Variants in NLGN4X observed in about 807,000 individuals in gnomAD.
NLGN4X encodes neuroligin 4 X-linked, also known as neuroligin-4, X-linked.
NLGN4X carries 3 observed loss-of-function variants against 40.3 expected under a neutral mutation model. The observed-to-expected ratio is 0.07, with a 90% CI of 0.03 to 0.19. NLGN4X has a LOEUF of 0.19. NLGN4X is among the 10% of genes least tolerant of loss of function. The probability of loss-of-function intolerance (pLI) is 1.00; values close to 1 mark genes in which losing one functional copy is unlikely to be tolerated. For synonymous variants in NLGN4X, 270 were observed against 306.8 expected (o/e 0.88, Z 1.25); for missense variants, 382 against 708.3 (o/e 0.54, Z 5.23).
At chrX:6,221,404 T>TAC (rs1258149793) in intron 1 of NLGN4X, among the ~76,000 whole-genome samples, 1 of 89,415 alleles carries the variant, frequency 1.1e-5, no homozygotes, top group Admixed American at 1.2e-4. Context: ...TATATATATA[T>TAC]ATATATATAT....
intron 2 of NLGN4X, among the ~76,000 whole-genome samples, chrX:6,057,880 T>G (rs922764759): frequency 9.0e-6 from 1 of 111,503 alleles, no homozygotes; most frequent in East Asian, 2.8e-4. Flanking sequence ...CCAAAGCAAT[T>G]TACCTACACA....
chrX:6,088,216 G>A (rs1160270272), intron 2 of NLGN4X, among the ~76,000 whole-genome samples: 1 of 112,519 alleles, frequency 8.9e-6, no homozygotes, highest in Non-Finnish European at 1.9e-5. Context: ...ATTTTAAATT[G>A]CATATGTGAC....
chrX:6,091,667 A>G (rs2038643451), intron 2 of NLGN4X, among the ~76,000 whole-genome samples: 1 of 112,164 alleles, frequency 8.9e-6, no homozygotes, highest in Non-Finnish European at 1.9e-5. Context: ...TCATTATTAC[A>G]ACAGACAACT....
intron 3 of NLGN4X, among the ~76,000 whole-genome samples, chrX:5,928,042 T>C (rs1402604386): frequency 8.9e-6 from 1 of 112,075 alleles, no homozygotes; most frequent in Non-Finnish European, 1.9e-5. Flanking sequence ...TACACGCATC[T>C]GCAACTCCAG....
At chrX:6,047,041 A>G (rs1163053173) in intron 2 of NLGN4X, among the ~76,000 whole-genome samples, 2 of 109,698 alleles carry the variant, frequency 1.8e-5, no homozygotes, top group Non-Finnish European at 3.8e-5. Flanking sequence ...ATATACACAT[A>G]TATGTATACT....
chrX:6,151,789 C>T lies in NLGN4X; in HGVS notation c.-305-18G>A. On this transcript the variant is annotated intron_variant, in intron 1 of 5. Transcript: ENST00000381095. ...AAGGCAGCCTAAAAGAGGAAGAAAG[C>T]AGACAAGAATAATGAAGCCACACAA... 3.0e-6 allele frequency: 1 copy of T among 328,136 alleles called. No homozygotes were observed. Among genetic ancestry groups the T allele is most frequent in the Admixed American group, 4.7e-5 (1 of 21,137 alleles). The allele number at this position is 328,136 out of a possible 1,213,427, so 27.0% of individuals were successfully genotyped here. A position where few individuals can be genotyped will look rare whatever the true frequency, so the allele number is the denominator to read the frequency against.
intron 3 of NLGN4X, among the ~76,000 whole-genome samples, chrX:5,921,370 T>A (rs1411993518): frequency 1.1e-5 from 1 of 87,879 alleles, no homozygotes; most frequent in East Asian, 3.5e-4. Context: ...ACTGTATGAC[T>A]CAGCGGCATT....
chrX:6,148,893 C>T (rs1191415595), intron 2 of NLGN4X, among the ~76,000 whole-genome samples: 2 of 112,038 alleles, frequency 1.8e-5, no homozygotes, highest in Non-Finnish European at 3.8e-5. Context: ...TAGGCTGTGA[C>T]TTGTGGATGG....
At chrX:5,916,933 G>C (rs933586759) in intron 3 of NLGN4X, among the ~76,000 whole-genome samples, 1 of 112,011 alleles carries the variant, frequency 8.9e-6, no homozygotes, top group Non-Finnish European at 1.9e-5. Context: ...GAATGTGTTG[G>C]AGAAACAAAT....
intron 1 of NLGN4X, among the ~76,000 whole-genome samples, chrX:6,209,078 A>G (rs928921780): frequency 2.7e-5 from 3 of 112,199 alleles, no homozygotes; most frequent in Non-Finnish European, 5.6e-5. Context: ...TCTCTTTTGC[A>G]GGAGCATGGA....
intron 3 of NLGN4X, among the ~76,000 whole-genome samples, chrX:5,994,421 T>C (rs916126996): frequency 8.9e-6 from 1 of 111,785 alleles, no homozygotes; most frequent in African/African-American, 3.3e-5. Context: ...AGGGCTTGGA[T>C]TAAACAACTT....
chrX:6,029,259 T>C, intron 3 of NLGN4X, 21 bp downstream of exon 3: 1 of 1,208,395 alleles, frequency 8.3e-7, no homozygotes, highest in East Asian at 3.0e-5. Flanking sequence ...GCTCAGTCAT[T>C]CACATGATGA....
chrX:6,008,749 A>T (rs1479213430), intron 3 of NLGN4X, among the ~76,000 whole-genome samples: 2 of 111,917 alleles, frequency 1.8e-5, no homozygotes, highest in Non-Finnish European at 3.8e-5. Context: ...CCTTAAGAAC[A>T]GTCACATTAT....
chrX:6,062,632 C>T (rs2037799529), intron 2 of NLGN4X, among the ~76,000 whole-genome samples: 1 of 110,741 alleles, frequency 9.0e-6, no homozygotes, highest in Non-Finnish European at 1.9e-5. Context: ...CTCTCATAAT[C>T]GTGGGAGGGA....
In NLGN4X at chrX:6,091,633, C is replaced by T. The variant is rs116372592; in HGVS notation, c.472+59362G>A. On this transcript the variant is annotated intron_variant, in intron 2 of 5. Coordinates refer to ENST00000381095, the MANE Select transcript of NLGN4X (RefSeq NM_181332.3). ...ACCATTTTAATTATATTTTTCTTCT[C>T]AGCCTCCTATTCTAGATTAGTATTC... 4.0e-3 allele frequency among the ~76,000 whole-genome samples: 449 copies of T among 111,846 alleles called. 5 individuals carry two copies. The highest frequency in any genetic ancestry group is 0.014 in the African/African-American group (424 of 30,854).
At chrX:6,129,151 T>G (rs2039625158) in intron 2 of NLGN4X, among the ~76,000 whole-genome samples, 1 of 112,140 alleles carries the variant, frequency 8.9e-6, no homozygotes, top group Non-Finnish European at 1.9e-5. Flanking sequence ...CAGAGAAAAC[T>G]GAAATCTTCC....
chrX:6,031,787 T>TAAAA (rs36065341), intron 2 of NLGN4X, among the ~76,000 whole-genome samples: 1 of 99,003 alleles, frequency 1.0e-5, no homozygotes, highest in African/African-American at 3.7e-5. Flanking sequence ...TTCTCCTCTT[T>TAAAA]AAAAAAAAAA....
At chrX:6,206,665 C>T (rs183049058) in intron 1 of NLGN4X, among the ~76,000 whole-genome samples, 185 of 111,604 alleles carry the variant, frequency 1.7e-3, no homozygotes, top group African/African-American at 5.5e-3. Flanking sequence ...TTGGCATTCC[C>T]TTTTTGTAGC....
chrX:5,917,331 A>G (rs1469435801), intron 3 of NLGN4X, among the ~76,000 whole-genome samples: 1 of 112,506 alleles, frequency 8.9e-6, no homozygotes, highest in Non-Finnish European at 1.9e-5. Flanking sequence ...CTTTCTACCA[A>G]TGTGGGCCCC....
Sources: gnomAD v4.1 joint callset for allele counts (sites outside exome capture counted in the v4.1 genomes callset) on GRCh38, gnomAD v4.1.1 for gene constraint, MANE v1.5 for transcripts, NCBI Gene and HGNC (gene_info 2026-07-23, HGNC 2026-07-21) for gene names.